Variants in KLHL1 observed in about 807,000 individuals in gnomAD.
The protein encoded by KLHL1 is kelch like family member 1, also known as kelch-like protein 1.
A neutral mutation model predicts 77.7 loss-of-function variants in KLHL1; 47 were observed. The ratio of observed to expected loss-of-function variants is 0.60; its 90% confidence interval spans 0.48 to 0.77. The LOEUF (loss-of-function observed/expected upper bound fraction) is 0.77. KLHL1 is among the 30% of genes least tolerant of loss of function. The pLI is 0.00. For synonymous variants in KLHL1, 360 were observed against 325.2 expected, an observed-to-expected ratio of 1.11 and a Z score of -1.15; for missense variants, 925 against 910.8, an observed-to-expected ratio of 1.02 and a Z score of -0.20.
At chr13:69,923,843 G>A (rs1016886461) in intron 4 of KLHL1, among the ~76,000 whole-genome samples, 5 of 152,120 alleles carry the variant, frequency 3.3e-5, no homozygotes, top group African/African-American at 7.2e-5. Context: ...CTTCCCAGGC[G>A]CAGCTGCAGC....
intron 6 of KLHL1, among the ~76,000 whole-genome samples, chr13:69,820,542 C>T (rs1450322029): frequency 6.6e-6 from 1 of 152,118 alleles, no homozygotes; most frequent in Non-Finnish European, 1.5e-5. Context: ...AATTGGCCAA[C>T]AGAGGCATAA....
At chr13:70,034,871 A>C (rs1313841509) in intron 1 of KLHL1, among the ~76,000 whole-genome samples, 2 of 152,158 alleles carry the variant, frequency 1.3e-5, no homozygotes, top group Non-Finnish European at 2.9e-5. Flanking sequence ...CAATAGTTAC[A>C]TCTCTAATGT....
chr13:70,101,558 AG>A (rs1887924401), intron 1 of KLHL1, among the ~76,000 whole-genome samples: 1 of 152,008 alleles, frequency 6.6e-6, no homozygotes, highest in South Asian at 2.1e-4. Context: ...CCTCCCAAGG[AG>A]CTGGGATTAC....
chr13:69,800,650 A>T (rs1309623351), intron 6 of KLHL1, among the ~76,000 whole-genome samples: 1 of 152,078 alleles, frequency 6.6e-6, no homozygotes, highest in Non-Finnish European at 1.5e-5. Context: ...TTTCCTCACC[A>T]ATGTACTTTA....
intron 8 of KLHL1, among the ~76,000 whole-genome samples, chr13:69,721,212 A>T (rs1319613286): frequency 1.4e-5 from 2 of 144,484 alleles, no homozygotes; most frequent in East Asian, 4.3e-4. Context: ...TCAGAAACTC[A>T]AAAGAATGGA....
intron 1 of KLHL1, among the ~76,000 whole-genome samples, chr13:69,995,931 T>C (rs1014700437): frequency 6.6e-6 from 1 of 152,128 alleles, no homozygotes; most frequent in Non-Finnish European, 1.5e-5. Context: ...AATTGAACTA[T>C]CACCAGGCAC....
intron 1 of KLHL1, among the ~76,000 whole-genome samples, chr13:69,999,546 C>T (rs1332299948): frequency 1.3e-5 from 2 of 151,886 alleles, no homozygotes; most frequent in African/African-American, 2.4e-5. Context: ...GCCACTGAAT[C>T]GATAGGTAAG....
At chr13:70,052,253 C>T (rs980967283) in intron 1 of KLHL1, among the ~76,000 whole-genome samples, 1 of 151,712 alleles carries the variant, frequency 6.6e-6, no homozygotes, top group African/African-American at 2.4e-5. Context: ...ATATTTATTA[C>T]TCTTTTAAGG....
Position 69,981,126 on chromosome 13 carries a change from G to A in KLHL1, c.498-5324C>T, listed in dbSNP as rs540284481. ...ACATCAAATAGTTTCCAGAGCTCATGAGAAACAAACAAACAAAACATAAAA... is the reference window on the plus strand; with the variant it reads ...ACATCAAATAGTTTCCAGAGCTCATAAGAAACAAACAAACAAAACATAAAA... On this transcript the variant is annotated intron_variant, in intron 1 of 10. Transcript: ENST00000377844. 5.9e-5 allele frequency among the ~76,000 whole-genome samples: 9 copies of A among 152,174 alleles called. No individual in the cohort carries two copies. In the East Asian group the frequency reaches 1.5e-3, roughly 26 times the overall value.
intron 3 of KLHL1, among the ~76,000 whole-genome samples, chr13:69,951,308 G>T (rs2137254859): frequency 6.6e-6 from 1 of 151,494 alleles, no homozygotes; most frequent in Middle Eastern, 3.4e-3. Flanking sequence ...TATGCAAGTG[G>T]CTTATTTTTT....
At chr13:70,038,133 T>C (rs143550686) in intron 1 of KLHL1, among the ~76,000 whole-genome samples, 7 of 152,324 alleles carry the variant, frequency 4.6e-5, no homozygotes, top group African/African-American at 1.7e-4. Flanking sequence ...ATTTCAAGAA[T>C]GCTATGTATA....
chr13:69,771,674 T>C (rs1875573395), intron 7 of KLHL1, among the ~76,000 whole-genome samples: 1 of 152,180 alleles, frequency 6.6e-6, no homozygotes, highest in African/African-American at 2.4e-5. Context: ...CAAGAGATAC[T>C]AACGGTGAAG....
intron 1 of KLHL1, among the ~76,000 whole-genome samples, chr13:70,066,135 G>T (rs1046245358): frequency 6.6e-6 from 1 of 152,132 alleles, no homozygotes; most frequent in African/African-American, 2.4e-5. Context: ...TTGCAAATTT[G>T]CCCTGTGGTT....
chr13:69,828,976 G>A (rs76953555), intron 6 of KLHL1, among the ~76,000 whole-genome samples: 2,367 of 150,458 alleles, frequency 0.016, 251 homozygotes, highest in African/African-American at 0.054. Flanking sequence ...TGCTTTGGTA[G>A]TCAAAATGAA....
At chr13:70,084,621 G>GTTTTTTTTTTT (rs1288782478) in intron 1 of KLHL1, among the ~76,000 whole-genome samples, 1 of 6,602 alleles carries the variant, frequency 1.5e-4, no homozygotes, top group Non-Finnish European at 3.0e-4. Flanking sequence ...ACCACGCCAG[G>GTTTTTTTTTTT]CTTTTTTTTT....
chr13:69,875,428 C>A (rs1295621560), intron 5 of KLHL1, among the ~76,000 whole-genome samples: 2 of 151,932 alleles, frequency 1.3e-5, no homozygotes, highest in African/African-American at 4.8e-5. Flanking sequence ...TAGTGGAACC[C>A]CTTTGGCAAG....
At chr13:70,064,316 G>A (rs1434265745) in intron 1 of KLHL1, among the ~76,000 whole-genome samples, 2 of 152,000 alleles carry the variant, frequency 1.3e-5, no homozygotes, top group Admixed American at 6.6e-5. Context: ...TTTTGAAATG[G>A]GTTAAATTTC....
intron 1 of KLHL1, among the ~76,000 whole-genome samples, chr13:70,097,869 G>C (rs1887830399): frequency 7.1e-6 from 1 of 141,734 alleles, no homozygotes; most frequent in Admixed American, 7.2e-5. Context: ...AGAGGGCCTA[G>C]TGTTTGATTT....
At chr13:69,882,528 G>A (rs754060846) in intron 4 of KLHL1, 33 bp from the exon 5 acceptor site, 2 of 1,484,822 alleles carry the variant, frequency 1.3e-6, no homozygotes, top group South Asian at 1.1e-5. Flanking sequence ...CATAAATTCT[G>A]TTTCACTTTT....
Sources: gnomAD v4.1 joint callset for allele counts (sites outside exome capture counted in the v4.1 genomes callset) on GRCh38, gnomAD v4.1.1 for gene constraint, MANE v1.5 for transcripts, NCBI Gene and HGNC (gene_info 2026-07-23, HGNC 2026-07-21) for gene names.